The following TTL variants were observed in gnomAD, a reference collection of about 807,000 sequenced individuals.
TTL encodes the protein tubulin tyrosine ligase.
TTL carries 10 observed loss-of-function variants against 41.1 expected under a neutral mutation model. The ratio of observed to expected loss-of-function variants is 0.24; its 90% CI spans 0.15 to 0.41. TTL has a LOEUF of 0.41. Among genes scored for constraint, TTL ranks in the 10% least tolerant of loss-of-function variants. TTL has a pLI of 1.00. For missense variants in TTL, 367 were observed against 460.4 expected, an observed-to-expected ratio of 0.80 and a Z score of 1.86; for synonymous variants, 175 against 175.5, an observed-to-expected ratio of 1.00 and a Z score of 0.02.
At chr2:112,484,398 G>A (rs1681183154) in intron 1 of TTL, among the ~76,000 whole-genome samples, 1 of 151,766 alleles carries the variant, frequency 6.6e-6, no homozygotes, top group South Asian at 2.1e-4. Flanking sequence ...CAAGTAGCTG[G>A]GATTACAGGC....
chr2:112,516,195 A>G (rs936206445), intron 5 of TTL, among the ~76,000 whole-genome samples: 1 of 152,082 alleles, frequency 6.6e-6, no homozygotes, highest in Non-Finnish European at 1.5e-5. Context: ...GTAATATTCC[A>G]TTGTATAAGT....
chr2:112,494,419 C>A, intron 3 of TTL, 44 bp downstream of exon 3: 1 of 1,473,744 alleles, frequency 6.8e-7, no homozygotes, highest in Non-Finnish European at 9.4e-7. Context: ...TGGTAAGTTG[C>A]TATTGTGATG....
rs1253768083 is a variant in TTL, at chr2:112,482,164, C to T, written c.-181C>T. On this transcript the variant is annotated 5_prime_UTR_variant, in exon 1 of 7. Transcript: ENST00000233336. The surrounding 1 kb of genome is among the most constrained non-coding windows in gnomAD (Gnocchi z 5.3). ...GCGGGCGTGCGAGCGGCGCTTTCCT[C>T]TCCGGCACCCGGCGGGCGCCCGGGC... is the stretch of plus-strand genomic sequence containing the variant. 4 of 175,632 alleles carry T rather than the reference C, an allele frequency of 2.3e-5. No homozygotes were observed. Among genetic ancestry groups the T allele is most frequent in the South Asian group, 1.9e-4 (1 of 5,390 alleles). The allele number at this position is 175,632 out of a possible 1,614,324, so 10.9% of individuals were successfully genotyped here. A position where few individuals can be genotyped will look rare whatever the true frequency, so the allele number is the denominator to read the frequency against.
At chr2:112,484,525 A>G (rs1319216325) in intron 1 of TTL, among the ~76,000 whole-genome samples, 1 of 152,110 alleles carries the variant, frequency 6.6e-6, no homozygotes, top group Non-Finnish European at 1.5e-5. Flanking sequence ...TCGTCCTCCC[A>G]AAGTGCTGGG....
chr2:112,498,567 A>C (rs1055303471), intron 3 of TTL, among the ~76,000 whole-genome samples: 4 of 152,176 alleles, frequency 2.6e-5, no homozygotes, highest in African/African-American at 7.2e-5. Context: ...TCTTATCAAA[A>C]TGTTAGCAAC....
rs76177853 is a variant in TTL at position 112,540,433 on chromosome 2, C to CAAAAAAAAAAAAAAAAA, written c.*11654_*11655insAAAAAAAAAAAAAAAAA. ...AACTCTGTCTCAAAAAAACAAAAAA[C>CAAAAAAAAAAAAAAAAA]AAAAAAAAAAAAAAAAGAGAAAGAA... On this transcript the variant is annotated 3_prime_UTR_variant, in exon 7 of 7. Transcript: ENST00000233336. The CAAAAAAAAAAAAAAAAA allele has an allele frequency of 8.8e-6, 1 of 113,830 alleles. No homozygotes were observed. The highest frequency in any genetic ancestry group is 3.1e-5 in the African/African-American group (1 of 32,564). 7.1% of individuals were successfully genotyped at this position (113,830 alleles called of 1,614,324 possible).
At position 112,501,230 on chromosome 2, in the gene TTL, A is replaced by C; in HGVS notation, c.494A>C (p.Glu165Ala). The change falls in exon 4 of 7, where the codon GAG (glutamate) becomes GCG (alanine). Residue 165 changes from glutamate to alanine, a missense_variant. Transcript: ENST00000233336. ...AKGEGILISS[E>A]ASELLDFIDN... ...GGTGAAGGCATTCTCATCTCCTCAG[A>C]GGCTTCAGAGCTTCTCGATTTCATA... The C allele has an allele frequency of 6.2e-7, 1 of 1,613,636 alleles. No homozygotes were observed. The highest frequency in any genetic ancestry group is 8.5e-7 in the Non-Finnish European group (1 of 1,179,736).
intron 6 of TTL, 60 bp from the exon 7 acceptor site, chr2:112,528,621 A>G (rs1004425909): frequency 3.8e-5 from 55 of 1,440,074 alleles, no homozygotes; most frequent in South Asian, 4.6e-5. Flanking sequence ...AAAAACATCT[A>G]TTTTTTTTGC....
At chr2:112,485,276 ATTGTTTTTCTTTGT>A (rs1436519880) in intron 1 of TTL, among the ~76,000 whole-genome samples, 1 of 152,154 alleles carries the variant, frequency 6.6e-6, no homozygotes, top group East Asian at 1.9e-4. Context: ...TTTAATAAAA[ATTGTTTTTCTTTGT>A]GTCCTTTCTG....
rs1682511467 is a variant in TTL, at chr2:112,531,645, AAC to A, written c.*2854_*2855del. 4.4e-6 allele frequency: 1 copy of A among 226,440 alleles called. No individual in the cohort carries two copies. The highest frequency in any genetic ancestry group is 6.4e-5 in the East Asian group (1 of 15,676). The allele number at this position is 226,440 out of a possible 1,614,324, so 14.0% of individuals were successfully genotyped here. On this transcript the variant is annotated 3_prime_UTR_variant, in exon 7 of 7. Transcript: ENST00000233336. ...GAACCATGCTTGAGAAGGAAGGACA[AAC>A]ACATTATTATCTTGGAAGAATTGCA...
intron 2 of TTL, among the ~76,000 whole-genome samples, chr2:112,493,879 A>G (rs906581149): frequency 1.3e-5 from 2 of 152,164 alleles, no homozygotes; most frequent in African/African-American, 4.8e-5. Flanking sequence ...TTCATTAGAG[A>G]TGCATTTTAA....
At chr2:112,503,403 GTATA>G (rs61614473) in intron 5 of TTL, among the ~76,000 whole-genome samples, 1 of 143,442 alleles carries the variant, frequency 7.0e-6, no homozygotes, top group African/African-American at 2.5e-5. Context: ...GTGTGTGTGT[GTATA>G]TATATATATA....
intron 4 of TTL, among the ~76,000 whole-genome samples, chr2:112,502,531 G>A (rs951877726): frequency 5.3e-5 from 8 of 151,964 alleles, no homozygotes; most frequent in African/African-American, 1.9e-4. Flanking sequence ...CAGCTACTGA[G>A]GAGGCTGAGG....
At chr2:112,484,825 G>C (rs187297777) in intron 1 of TTL, among the ~76,000 whole-genome samples, 88 of 152,262 alleles carry the variant, frequency 5.8e-4, no homozygotes, top group African/African-American at 2.0e-3. Context: ...TGATTTGACT[G>C]TATGCCATTC....
At position 112,535,760 on chromosome 2, in the gene TTL, A is replaced by G. The variant is rs988164727; in HGVS notation, c.*6965A>G. The G allele has an allele frequency of 4.6e-5, 7 of 152,058 alleles. No individual in the cohort carries two copies. Among genetic ancestry groups the G allele is most frequent in the Non-Finnish European group, 8.8e-5 (6 of 68,026 alleles). 9.4% of individuals were successfully genotyped at this position (152,058 alleles called of 1,614,324 possible). A position where few individuals can be genotyped will look rare whatever the true frequency, so the allele number is the denominator to read the frequency against. On this transcript the variant is annotated 3_prime_UTR_variant, in exon 7 of 7. Transcript: ENST00000233336. The stretch of plus-strand genomic sequence containing the variant: ...GGCAAATTGATTTTTTTTAAAAATC[A>G]TGATCCAACTATATGCTATCTACAA...
chr2:112,511,258 C>G (rs1681913230), intron 5 of TTL, among the ~76,000 whole-genome samples: 1 of 151,834 alleles, frequency 6.6e-6, no homozygotes, highest in Non-Finnish European at 1.5e-5. Context: ...ATTCTCCCAT[C>G]TTGGCCTCTC....
At chr2:112,502,035 T>G (rs1461813819) in intron 4 of TTL, among the ~76,000 whole-genome samples, 1 of 152,176 alleles carries the variant, frequency 6.6e-6, no homozygotes, top group African/African-American at 2.4e-5. Context: ...CTCACTTCAT[T>G]GTTTGTGTCC....
At position 112,530,343 on chromosome 2, in the gene TTL, A is replaced by G. The variant is rs1200332339; in HGVS notation, c.*1548A>G. 4.3e-6 allele frequency: 1 copy of G among 232,090 alleles called. No individual in the cohort carries two copies. Among genetic ancestry groups the G allele is most frequent in the Non-Finnish European group, 8.5e-6 (1 of 117,306 alleles). The allele number at this position is 232,090 out of a possible 1,614,324, so 14.4% of individuals were successfully genotyped here. A position where few individuals can be genotyped will look rare whatever the true frequency, so the allele number is the denominator to read the frequency against. On this transcript the variant is annotated 3_prime_UTR_variant, in exon 7 of 7. Transcript: ENST00000233336. ...AGGGTGTTACCTTGGGGTGAAGTGGAGAAGGTCCCAGGTGAATTGGCTCTC... is the reference window on the plus strand; with the variant it reads ...AGGGTGTTACCTTGGGGTGAAGTGGGGAAGGTCCCAGGTGAATTGGCTCTC...
intron 5 of TTL, among the ~76,000 whole-genome samples, chr2:112,517,057 C>T (rs1682089947): frequency 6.6e-6 from 1 of 151,594 alleles, no homozygotes; most frequent in African/African-American, 2.4e-5. Flanking sequence ...AGCTAGCCTC[C>T]CCCTAACTTC....
Sources: gnomAD v4.1 joint callset for allele counts (sites outside exome capture counted in the v4.1 genomes callset) on GRCh38, gnomAD v4.1.1 for gene constraint, Gnocchi (gnomAD v3.1) non-coding constraint, MANE v1.5 for transcripts, NCBI Gene and HGNC (gene_info 2026-07-23, HGNC 2026-07-21) for gene names.